ARHGAP26: variants seen among roughly 807,000 people sequenced by gnomAD.
ARHGAP26 encodes rho GTPase-activating protein 26.
ARHGAP26 carries 38 observed loss-of-function variants against 104.8 expected under a neutral mutation model. That is an observed-to-expected ratio of 0.36 (90% CI 0.28 to 0.48). The LOEUF is 0.48. Among genes scored for constraint, ARHGAP26 ranks in the 20% least tolerant of loss-of-function variants. The pLI is 0.99. For missense variants in ARHGAP26, 704 were observed against 947.9 expected (o/e 0.74, Z 3.38); for synonymous variants, 341 against 340.0 (o/e 1.00, Z -0.03).
chr5:143,110,713 T>C (rs191721254), intron 17 of ARHGAP26, among the ~76,000 whole-genome samples: 10 of 152,360 alleles, frequency 6.6e-5, no homozygotes, highest in African/African-American at 2.4e-4. Flanking sequence ...CATTGGACTT[T>C]AGAATGAATT....
At chr5:142,821,768 T>C (rs926485490) in intron 1 of ARHGAP26, among the ~76,000 whole-genome samples, 2 of 152,188 alleles carry the variant, frequency 1.3e-5, no homozygotes, top group African/African-American at 4.8e-5. Context: ...AGGAGGAATT[T>C]TTATTAAGAA....
At chr5:142,979,016 G>A (rs1276429569) in intron 11 of ARHGAP26, among the ~76,000 whole-genome samples, 1 of 152,202 alleles carries the variant, frequency 6.6e-6, no homozygotes, top group Non-Finnish European at 1.5e-5. Flanking sequence ...GAAATGCAAT[G>A]TGTGGACTTG....
chr5:142,886,655 G>T (rs1757749047), intron 5 of ARHGAP26, among the ~76,000 whole-genome samples: 1 of 152,072 alleles, frequency 6.6e-6, no homozygotes, highest in African/African-American at 2.4e-5. Flanking sequence ...AGCGGAGGAA[G>T]TGCTTCTTGA....
At chr5:142,795,001 T>C (rs1760684287) in intron 1 of ARHGAP26, among the ~76,000 whole-genome samples, 1 of 152,194 alleles carries the variant, frequency 6.6e-6, no homozygotes, top group Non-Finnish European at 1.5e-5. Context: ...TTAGTAAATT[T>C]TTTAGGCTTT....
chr5:143,198,515 G>T (rs538618081), intron 20 of ARHGAP26, among the ~76,000 whole-genome samples: 1 of 152,254 alleles, frequency 6.6e-6, no homozygotes, highest in East Asian at 1.9e-4. Flanking sequence ...GAAGCATTCT[G>T]CCCATTTAAC....
At chr5:142,973,385 T>C (rs1772567180) in intron 11 of ARHGAP26, among the ~76,000 whole-genome samples, 1 of 152,226 alleles carries the variant, frequency 6.6e-6, no homozygotes, top group Admixed American at 6.5e-5. Context: ...TCTTGAATAA[T>C]GTGATCTCAT....
At chr5:142,910,474 C>T (rs542870617) in intron 9 of ARHGAP26, among the ~76,000 whole-genome samples, 1 of 152,220 alleles carries the variant, frequency 6.6e-6, no homozygotes, top group African/African-American at 2.4e-5. Flanking sequence ...TGTGGTGGCT[C>T]ACGCCTGTTA....
At chr5:142,952,203 G>T (rs942943636) in intron 11 of ARHGAP26, among the ~76,000 whole-genome samples, 14 of 152,130 alleles carry the variant, frequency 9.2e-5, no homozygotes, top group African/African-American at 3.4e-4. Context: ...GATTCTGGGG[G>T]TGAGGACATG....
intron 11 of ARHGAP26, chr5:142,969,409 G>GT (rs1771905413): frequency 6.6e-6 from 1 of 152,162 alleles, no homozygotes; most frequent in African/African-American, 2.4e-5. Flanking sequence ...ATCTGGCCAG[G>GT]TATTTGCTGG....
intron 1 of ARHGAP26, among the ~76,000 whole-genome samples, chr5:142,803,079 G>A (rs1762368437): frequency 6.6e-6 from 1 of 151,842 alleles, no homozygotes; most frequent in African/African-American, 2.4e-5. Flanking sequence ...TTATCTTTCT[G>A]GTCTGCATAG....
rs542060323 is a variant in ARHGAP26, at chr5:142,848,490, C to T, written c.155-24910C>T. On this transcript the variant is annotated intron_variant, in intron 1 of 22. Coordinates refer to ENST00000645722, the MANE Select transcript of ARHGAP26 (RefSeq NM_001135608.3). ...CTTCCTTGTTTTCTGTGGTCAGATT[C>T]TCACCATAGGTGGTTCTCCAGCCTT... 3.9e-5 allele frequency among the ~76,000 whole-genome samples: 6 copies of T among 152,284 alleles called. No individual in the cohort carries two copies. In the South Asian group the frequency reaches 1.2e-3, roughly 32 times the overall value.
intron 21 of ARHGAP26, 42 bp downstream of exon 21, chr5:143,207,350 TTC>T: frequency 1.2e-6 from 2 of 1,614,230 alleles, no homozygotes; most frequent in Non-Finnish European, 1.7e-6. Context: ...GCTGCCGTTG[TTC>T]TCTCATTGGC....
intron 17 of ARHGAP26, among the ~76,000 whole-genome samples, chr5:143,119,398 G>A (rs1449090169): frequency 6.6e-6 from 1 of 152,166 alleles, no homozygotes; most frequent in African/African-American, 2.4e-5. Flanking sequence ...GCCACACAGA[G>A]GAGCTGATGT....
intron 20 of ARHGAP26, among the ~76,000 whole-genome samples, chr5:143,168,351 G>T (rs560551417): frequency 3.5e-5 from 5 of 141,362 alleles, no homozygotes; most frequent in Admixed American, 7.4e-5. Flanking sequence ...AACATCTTTT[G>T]TCAATTTATT....
chr5:142,890,136 T>TAA (rs1162535877), intron 5 of ARHGAP26, among the ~76,000 whole-genome samples: 506 of 29,132 alleles, frequency 0.017, 46 homozygotes, highest in Non-Finnish European at 0.019. Context: ...AACTCCGTCT[T>TAA]AAAAAAAAAA....
intron 5 of ARHGAP26, 66 bp downstream of exon 5, chr5:142,885,465 T>C: frequency 7.1e-7 from 1 of 1,414,626 alleles, no homozygotes; most frequent in Non-Finnish European, 9.8e-7. Context: ...GGATATGTGC[T>C]GGTTGCTCTT....
At chr5:143,209,666 A>G (rs1372041052) in intron 21 of ARHGAP26, among the ~76,000 whole-genome samples, 1 of 152,114 alleles carries the variant, frequency 6.6e-6, no homozygotes, top group African/African-American at 2.4e-5. Flanking sequence ...CTGTAATCCC[A>G]GCTACTCAGG....
chr5:142,958,574 A>G (rs1311625771), intron 11 of ARHGAP26, among the ~76,000 whole-genome samples: 1 of 152,196 alleles, frequency 6.6e-6, no homozygotes, highest in African/African-American at 2.4e-5. Context: ...AGGCTGAAGC[A>G]GGAGATGGCT....
At chr5:143,021,526 C>T (rs984670306) in intron 12 of ARHGAP26, among the ~76,000 whole-genome samples, 11 of 152,196 alleles carry the variant, frequency 7.2e-5, no homozygotes, top group African/African-American at 1.7e-4. Context: ...GGGTAGATTC[C>T]GCCACGTGGA....
Sources: gnomAD v4.1 joint callset for allele counts (sites outside exome capture counted in the v4.1 genomes callset) on GRCh38, gnomAD v4.1.1 for gene constraint, MANE v1.5 for transcripts, NCBI Gene and HGNC (gene_info 2026-07-23, HGNC 2026-07-21) for gene names.